Variants in DNER observed in about 807,000 individuals in gnomAD.
DNER encodes delta and Notch-like epidermal growth factor-related receptor.
Under a neutral mutation model 78.2 loss-of-function variants are expected in DNER, and 33 were observed. The ratio of observed to expected loss-of-function variants is 0.42; its 90% CI spans 0.32 to 0.56. The LOEUF (loss-of-function observed/expected upper bound fraction) is 0.56, where lower values mean the gene tolerates loss of function less well. DNER is among the 20% of genes least tolerant of loss of function. The pLI, the probability that DNER is intolerant of heterozygous loss-of-function variation, is 0.11. For synonymous variants in DNER, 417 were observed against 384.8 expected (o/e 1.08, Z -0.98); for missense variants, 918 against 975.3 (o/e 0.94, Z 0.78).
intron 1 of DNER, among the ~76,000 whole-genome samples, chr2:229,646,167 C>T (rs1559194204): frequency 6.6e-6 from 1 of 152,202 alleles, no homozygotes; most frequent in South Asian, 2.1e-4. Flanking sequence ...AGAGGTTATG[C>T]ATCCGGTAAT....
At chr2:229,429,485 G>A (rs1309801374) in intron 8 of DNER, among the ~76,000 whole-genome samples, 1 of 152,192 alleles carries the variant, frequency 6.6e-6, no homozygotes, top group East Asian at 1.9e-4. Flanking sequence ...GAAGCATTAA[G>A]CACAATGCCT....
chr2:229,702,516 A>G (rs1699762217), intron 1 of DNER, among the ~76,000 whole-genome samples: 1 of 152,088 alleles, frequency 6.6e-6, no homozygotes, highest in African/African-American at 2.4e-5. Context: ...AGCCTGGGCA[A>G]CAGAGTAAGA....
intron 7 of DNER, among the ~76,000 whole-genome samples, chr2:229,469,999 G>C (rs1258652236): frequency 6.6e-6 from 1 of 152,118 alleles, no homozygotes; most frequent in Non-Finnish European, 1.5e-5. Context: ...ACACATAGGA[G>C]GCACTCAACA....
intron 8 of DNER, among the ~76,000 whole-genome samples, chr2:229,440,887 A>C (rs560307138): frequency 1.3e-5 from 2 of 152,300 alleles, no homozygotes; most frequent in East Asian, 3.9e-4. Flanking sequence ...ACACAAGTTC[A>C]TGCCTTTATT....
intron 8 of DNER, among the ~76,000 whole-genome samples, chr2:229,435,901 G>C (rs987196395): frequency 6.6e-6 from 1 of 152,154 alleles, no homozygotes; most frequent in African/African-American, 2.4e-5. Flanking sequence ...AATATAAACT[G>C]TTTGGTAAAA....
intron 4 of DNER, among the ~76,000 whole-genome samples, chr2:229,562,823 G>C (rs80234739): frequency 0.015 from 2,284 of 152,064 alleles, 69 homozygotes; most frequent in African/African-American, 0.053. Flanking sequence ...TAGTTTTTAG[G>C]AAAGTGCAAG....
intron 4 of DNER, among the ~76,000 whole-genome samples, chr2:229,581,553 G>A (rs778868789): frequency 3.9e-4 from 60 of 152,216 alleles, no homozygotes; most frequent in Non-Finnish European, 6.6e-4. Flanking sequence ...CAGGAAAGAA[G>A]TTGAGGCACA....
At chr2:229,458,645 A>G (rs1268488617) in intron 7 of DNER, among the ~76,000 whole-genome samples, 3 of 151,878 alleles carry the variant, frequency 2.0e-5, no homozygotes, top group African/African-American at 7.3e-5. Flanking sequence ...GTATATACAA[A>G]AAAAAAACTA....
At chr2:229,393,978 A>C (rs987267118) in intron 10 of DNER, among the ~76,000 whole-genome samples, 16 of 152,248 alleles carry the variant, frequency 1.1e-4, no homozygotes, top group African/African-American at 3.9e-4. Context: ...AATAATATTT[A>C]ATAAATTAAT....
intron 1 of DNER, among the ~76,000 whole-genome samples, chr2:229,672,209 A>G (rs1699220477): frequency 6.6e-6 from 1 of 152,288 alleles, no homozygotes; most frequent in Non-Finnish European, 1.5e-5. Flanking sequence ...GGCTGGAATC[A>G]GACGCAGGCT....
chr2:229,460,449 A>G (rs1407496237), intron 7 of DNER, among the ~76,000 whole-genome samples: 2 of 151,872 alleles, frequency 1.3e-5, no homozygotes, highest in African/African-American at 2.4e-5. Context: ...TATGAAATAT[A>G]TAAATTATTA....
intron 11 of DNER, among the ~76,000 whole-genome samples, chr2:229,371,650 G>T (rs916049084): frequency 6.6e-6 from 1 of 152,194 alleles, no homozygotes; most frequent in African/African-American, 2.4e-5. Context: ...ACAGTCAGTG[G>T]CCAAGCTGAG....
chr2:229,363,730 C>T (rs544309466), intron 12 of DNER, among the ~76,000 whole-genome samples: 13 of 152,214 alleles, frequency 8.5e-5, no homozygotes, highest in African/African-American at 2.9e-4. Context: ...AAATATCTTC[C>T]CCATGGGCCA....
chr2:229,596,399 G>T (rs534748835), intron 1 of DNER, among the ~76,000 whole-genome samples: 33 of 152,328 alleles, frequency 2.2e-4, no homozygotes, highest in African/African-American at 7.5e-4. Context: ...AAGCTCTGTC[G>T]ACCTGAGAGG....
intron 6 of DNER, among the ~76,000 whole-genome samples, chr2:229,504,729 A>C (rs1342112115): frequency 6.6e-6 from 1 of 152,230 alleles, no homozygotes; most frequent in Admixed American, 6.5e-5. Flanking sequence ...ATTACTCAGC[A>C]CACCACATAG....
At chr2:229,417,606 A>T (rs1466554749) in intron 9 of DNER, among the ~76,000 whole-genome samples, 1 of 152,012 alleles carries the variant, frequency 6.6e-6, no homozygotes, top group East Asian at 1.9e-4. Context: ...TGAGCTATGC[A>T]CATTAGGGGT....
chr2:229,403,988 G>A (rs1365445188), intron 10 of DNER, among the ~76,000 whole-genome samples: 1 of 152,124 alleles, frequency 6.6e-6, no homozygotes, highest in East Asian at 1.9e-4. Context: ...AGAGTGATAA[G>A]ATTAGATGAT....
chr2:229,506,771 T>C (rs1477489743), intron 6 of DNER, among the ~76,000 whole-genome samples: 1 of 151,846 alleles, frequency 6.6e-6, no homozygotes, highest in Non-Finnish European at 1.5e-5. Flanking sequence ...ATGCGGTGTT[T>C]GGTTTTCTGT....
chr2:229,375,154 C>A (rs1692570067), intron 11 of DNER, among the ~76,000 whole-genome samples: 1 of 152,182 alleles, frequency 6.6e-6, no homozygotes. Flanking sequence ...CTAGTTTACC[C>A]AGGTTCCATC....
Sources: allele counts gnomAD v4.1 joint callset (sites outside exome capture counted in the v4.1 genomes callset), GRCh38; gene constraint gnomAD v4.1.1; transcripts MANE v1.5; gene names NCBI Gene and HGNC (gene_info 2026-07-23, HGNC 2026-07-21).